MAP7: variants seen among roughly 807,000 people sequenced by gnomAD.
MAP7 encodes ensconsin.
In MAP7, 52 loss-of-function variants were observed where a neutral mutation model predicts 94.8. The ratio of observed to expected loss-of-function variants is 0.55; its 90% CI spans 0.44 to 0.69. MAP7 has a LOEUF of 0.69. Ranked by LOEUF, MAP7 falls within the 30% of genes least tolerant of loss-of-function variation. The pLI is 0.00. For missense variants in MAP7, 940 were observed against 964.6 expected, an observed-to-expected ratio of 0.97 and a Z score of 0.34; for synonymous variants, 350 against 357.0, an observed-to-expected ratio of 0.98 and a Z score of 0.22.
chr6:136,465,030 G>A lies in MAP7; in HGVS notation c.68-43231C>T, dbSNP rs1289597324. Among the ~76,000 whole-genome samples the A allele has an allele frequency of 3.3e-5, 5 of 152,304 alleles. No individual in the cohort carries two copies. In the East Asian group the frequency reaches 9.6e-4, roughly 29 times the overall value. On this transcript the variant is annotated intron_variant, in intron 1 of 17. Coordinates refer to ENST00000354570, the MANE Select transcript of MAP7 (RefSeq NM_003980.6). ...CACAGCAGCTTGATGGTGAAAACAG[G>A]TTCTGCTCCCACAACCATGTGGACT...
chr6:136,357,324 C>T (rs1179603296), intron 15 of MAP7, among the ~76,000 whole-genome samples: 1 of 152,202 alleles, frequency 6.6e-6, no homozygotes, highest in African/African-American at 2.4e-5. Flanking sequence ...ATTCAAAGCT[C>T]AATGTTGCAG....
intron 1 of MAP7, among the ~76,000 whole-genome samples, chr6:136,464,204 A>G (rs997598467): frequency 3.3e-5 from 5 of 152,224 alleles, no homozygotes; most frequent in Admixed American, 6.5e-5. Flanking sequence ...TGAATCATCT[A>G]TGATAACAGA....
At chr6:136,370,180 A>G (rs1230001991) in intron 8 of MAP7, among the ~76,000 whole-genome samples, 2 of 152,248 alleles carry the variant, frequency 1.3e-5, no homozygotes, top group Admixed American at 1.3e-4. Flanking sequence ...TATGTTCACC[A>G]TCACTGATCA....
chr6:136,466,980 T>C, intron 1 of MAP7: 1 of 1,184,028 alleles, frequency 8.4e-7, no homozygotes, highest in Non-Finnish European at 1.1e-6. Flanking sequence ...ACAGCCACTG[T>C]TTTTAAACAG....
At chr6:136,513,007 T>C (rs1249506348) in intron 1 of MAP7, among the ~76,000 whole-genome samples, 1 of 152,038 alleles carries the variant, frequency 6.6e-6, no homozygotes, top group Non-Finnish European at 1.5e-5. Flanking sequence ...AGGTTTTGTT[T>C]TGTTTTGTTT....
chr6:136,459,828 A>G (rs1346655010), intron 1 of MAP7, among the ~76,000 whole-genome samples: 1 of 152,178 alleles, frequency 6.6e-6, no homozygotes. Flanking sequence ...TAGGATGTAC[A>G]ACATGATGCC....
intron 8 of MAP7, among the ~76,000 whole-genome samples, chr6:136,367,561 G>A (rs1222707732): frequency 6.6e-6 from 1 of 152,110 alleles, no homozygotes; most frequent in Non-Finnish European, 1.5e-5. Flanking sequence ...GATGGTCTGG[G>A]TTATCAGAGG....
intron 1 of MAP7, among the ~76,000 whole-genome samples, chr6:136,527,779 A>G (rs2129054992): frequency 6.6e-6 from 1 of 152,166 alleles, no homozygotes; most frequent in African/African-American, 2.4e-5. Flanking sequence ...CTTTGTATCT[A>G]CTCTTATTGT....
In MAP7 at chr6:136,411,661, C is replaced by T. The variant is rs372505270; in HGVS notation, c.203G>A (p.Arg68Gln). The change falls in exon 3 of 18, where the codon CGG becomes CAG. Residue 68 changes from arginine to glutamine, a missense_variant. Arg to Gln is a conservative substitution (Grantham distance 43). Coordinates refer to ENST00000354570, the MANE Select transcript of MAP7 (RefSeq NM_003980.6). Reference protein sequence around the residue: ...PPVLRVDDRQRLARERREERE... With the variant: ...PPVLRVDDRQQLARERREERE... ...TTCCTCACGTCGCTCCCGGGCCAGC[C>T]GCTGCCGGTCATCAACACGTAACAC... The T allele has an allele frequency of 1.9e-5, 30 of 1,566,966 alleles. No individual in the cohort carries two copies. The highest frequency in any genetic ancestry group is 2.3e-5 in the Non-Finnish European group (26 of 1,154,480).
chr6:136,497,008 T>C (rs547860805), intron 1 of MAP7, among the ~76,000 whole-genome samples: 1 of 151,912 alleles, frequency 6.6e-6, no homozygotes, highest in South Asian at 2.1e-4. Context: ...ACCTAACCTA[T>C]AACGTAAAGT....
chr6:136,421,419 TC>T (rs1409651313), intron 2 of MAP7, among the ~76,000 whole-genome samples: 1 of 152,216 alleles, frequency 6.6e-6, no homozygotes, highest in African/African-American at 2.4e-5. Context: ...ATACACCATC[TC>T]ATTGATTGTC....
rs753893592 is a variant in MAP7 at position 136,359,857 on chromosome 6, G to A, written c.1875C>T (p.Asn625=). ...TGAGAGCTCCCTTGGCTATATCACC[G>A]TTTCTCTGATCACTGGTTTTCTACG... is the stretch of plus-strand genomic sequence containing the variant. ...ATDKKTSDQR[N]GDIAKGALTG... Residue 625 remains asparagine, a synonymous_variant, in exon 15 of 18, where the codon AAC becomes AAT. Transcript: ENST00000354570. 1.2e-5 allele frequency: 19 copies of A among 1,613,436 alleles called. No individual in the cohort carries two copies. In the South Asian group the frequency reaches 1.2e-4, roughly 10 times the overall value.
At chr6:136,500,956 G>A (rs1302928579) in intron 1 of MAP7, among the ~76,000 whole-genome samples, 3 of 148,582 alleles carry the variant, frequency 2.0e-5, no homozygotes, top group Non-Finnish European at 4.5e-5. Context: ...AGAAAAAGAC[G>A]GAAAAAAAAT....
At chr6:136,483,483 A>G (rs557455668) in intron 1 of MAP7, among the ~76,000 whole-genome samples, 75 of 152,106 alleles carry the variant, frequency 4.9e-4, no homozygotes, top group Non-Finnish European at 9.6e-4. Flanking sequence ...TACATAACAA[A>G]CCTGCACATG....
At chr6:136,349,423 G>A (rs1360607149) in intron 16 of MAP7, among the ~76,000 whole-genome samples, 1 of 151,974 alleles carries the variant, frequency 6.6e-6, no homozygotes, top group East Asian at 1.9e-4. Context: ...GCCCAAGCTG[G>A]AGTGCAGTGG....
chr6:136,410,148 C>T (rs986729171), intron 3 of MAP7, among the ~76,000 whole-genome samples: 1 of 152,136 alleles, frequency 6.6e-6, no homozygotes, highest in South Asian at 2.1e-4. Flanking sequence ...AGCTAATTCA[C>T]AATGTGATTT....
intron 1 of MAP7, among the ~76,000 whole-genome samples, chr6:136,426,295 G>A (rs1562387280): frequency 6.6e-6 from 1 of 152,162 alleles, no homozygotes; most frequent in Admixed American, 6.5e-5. Flanking sequence ...GTAATTTTAA[G>A]GAATTAAGTA....
intron 1 of MAP7, among the ~76,000 whole-genome samples, chr6:136,491,298 T>C (rs777308028): frequency 6.6e-6 from 1 of 152,240 alleles, no homozygotes; most frequent in Non-Finnish European, 1.5e-5. Context: ...GGCAATTTCA[T>C]ATAATTCAAT....
Position 136,344,241 on chromosome 6 carries a change from A to T in MAP7, c.2240-3T>A. 7.6e-7 allele frequency: 1 copy of T among 1,321,758 alleles called. No homozygotes were observed. The highest frequency in any genetic ancestry group is 1.0e-6 in the Non-Finnish European group (1 of 989,756). The allele number at this position is 1,321,758 out of a possible 1,614,324, so 81.9% of individuals were successfully genotyped here. A position where few individuals can be genotyped will look rare whatever the true frequency, so the allele number is the denominator to read the frequency against. On this transcript the variant is annotated splice_region_variant and splice_polypyrimidine_tract_variant and intron_variant, in intron 17 of 17. Coordinates refer to ENST00000354570, the MANE Select transcript of MAP7 (RefSeq NM_003980.6). ...CAGAAGAAACACTCATATAACTTCT[A>T]CATGAAGAGACAGAAAAAGAACAAG...
Sources: gnomAD v4.1 joint callset for allele counts (sites outside exome capture counted in the v4.1 genomes callset) on GRCh38, gnomAD v4.1.1 for gene constraint, MANE v1.5 for transcripts, NCBI Gene and HGNC (gene_info 2026-07-23, HGNC 2026-07-21) for gene names.